The following DLGAP2 variants were observed in gnomAD, a reference collection of about 807,000 sequenced individuals.
The protein encoded by DLGAP2 is DLG associated protein 2, also known as disks large-associated protein 2.
Under a neutral mutation model 100.3 loss-of-function variants are expected in DLGAP2, and 26 were observed. The observed-to-expected ratio is 0.26, with a 90% confidence interval of 0.19 to 0.36. The LOEUF is 0.36. Among genes scored for constraint, DLGAP2 ranks in the 10% least tolerant of loss-of-function variants. DLGAP2 has a pLI of 1.00. For synonymous variants in DLGAP2, 886 were observed against 630.1 expected (o/e 1.41, Z -6.08); for missense variants, 1,858 against 1,453.2 (o/e 1.28, Z -4.53).
chr8:858,545 C>T (rs950599287), intron 1 of DLGAP2, among the ~76,000 whole-genome samples: 6 of 151,408 alleles, frequency 4.0e-5, no homozygotes, highest in African/African-American at 1.5e-4. Context: ...AATGCTGTCA[C>T]CGTGGGCACA....
intron 3 of DLGAP2, among the ~76,000 whole-genome samples, chr8:1,305,968 T>C (rs1385696119): frequency 1.3e-5 from 2 of 152,100 alleles, no homozygotes; most frequent in East Asian, 3.8e-4. Context: ...CTACTAATTT[T>C]TGCATGTAAT....
At position 1,196,093 on chromosome 8, in the gene DLGAP2, C is replaced by A. The variant is rs1195308178; in HGVS notation, c.74-62758C>A. ...CTGGAAAGCTGTGTCATAACTTAGG[C>A]ATCACCGATATCCAGGGCCCCGTCA... On this transcript the variant is annotated intron_variant, in intron 2 of 14. Transcript: ENST00000637795. Among the ~76,000 whole-genome samples the A allele has an allele frequency of 2.0e-5, 3 of 152,226 alleles. 1 individual carries two copies. Among genetic ancestry groups the A allele is most frequent in the Non-Finnish European group, 1.5e-5 (1 of 68,048 alleles).
chr8:1,363,624 G>A lies in DLGAP2; in HGVS notation c.106+104741G>A, dbSNP rs760534638. On this transcript the variant is annotated intron_variant, in intron 3 of 14. Coordinates refer to ENST00000637795, the MANE Select transcript of DLGAP2 (RefSeq NM_001346810.2). Reference sequence around the variant, plus strand: ...TCAGGCGACATTGGGATCTGGACCTGCAAATCTCCTCTGTCTTCTGGCCCT... The same window carrying A: ...TCAGGCGACATTGGGATCTGGACCTACAAATCTCCTCTGTCTTCTGGCCCT... Among the ~76,000 whole-genome samples the A allele has an allele frequency of 5.5e-4, 84 of 152,336 alleles. 1 individual carries two copies. The highest frequency in any genetic ancestry group is 3.4e-3 in the Middle Eastern group (1 of 294).
intron 6 of DLGAP2, among the ~76,000 whole-genome samples, chr8:1,623,764 A>G (rs1450459895): frequency 6.6e-6 from 1 of 152,274 alleles, no homozygotes. Context: ...GGCCTGGTTT[A>G]TAGGACTAAT....
intron 2 of DLGAP2, among the ~76,000 whole-genome samples, chr8:1,144,092 G>T (rs1168349542): frequency 6.6e-6 from 1 of 152,210 alleles, no homozygotes; most frequent in Non-Finnish European, 1.5e-5. Flanking sequence ...CCTGTGCTCA[G>T]AATGTGAGGA....
At chr8:1,674,596 T>C (rs62483124) in intron 10 of DLGAP2, among the ~76,000 whole-genome samples, 17,098 of 152,218 alleles carry the variant, frequency 0.11, 1,068 homozygotes, top group South Asian at 0.25. Flanking sequence ...TTACAAAATA[T>C]CTTTAAAAGT....
chr8:1,245,389 C>G (rs1426491613), intron 2 of DLGAP2, among the ~76,000 whole-genome samples: 1 of 152,182 alleles, frequency 6.6e-6, no homozygotes, highest in East Asian at 1.9e-4. Flanking sequence ...GTGGTCCATC[C>G]ATGCAATGGA....
intron 6 of DLGAP2, among the ~76,000 whole-genome samples, chr8:1,569,219 A>G (rs1257987908): frequency 6.6e-6 from 1 of 152,268 alleles, no homozygotes; most frequent in Admixed American, 6.5e-5. Flanking sequence ...CACTTAGCAG[A>G]GATGGTGCAA....
intron 3 of DLGAP2, among the ~76,000 whole-genome samples, chr8:1,367,163 G>A (rs1372100016): frequency 2.0e-5 from 3 of 152,202 alleles, no homozygotes; most frequent in African/African-American, 7.2e-5. Flanking sequence ...CATATTTTGA[G>A]AAACAGTTTA....
At chr8:1,212,714 C>G (rs564987697) in intron 2 of DLGAP2, among the ~76,000 whole-genome samples, 7 of 151,992 alleles carry the variant, frequency 4.6e-5, no homozygotes, top group African/African-American at 1.2e-4. Context: ...CTTCTTATAT[C>G]TTTATTTTTC....
At chr8:745,603 A>C (rs1038719585) in intron 1 of DLGAP2, among the ~76,000 whole-genome samples, 7 of 152,236 alleles carry the variant, frequency 4.6e-5, no homozygotes, top group Admixed American at 4.6e-4. Flanking sequence ...TAAGGAAATA[A>C]TCATGAATTT....
rs188260886 is a variant in DLGAP2, at chr8:1,327,327, G to A, written c.106+68444G>A. The stretch of plus-strand genomic sequence containing the variant: ...CAGAGCTCCACACCTGTGGCTCCAC[G>A]GGGACTGCAGTGGGTTTCATGTAAA... On this transcript the variant is annotated intron_variant, in intron 3 of 14. Transcript: ENST00000637795. Among the ~76,000 whole-genome samples, 23 of 152,334 alleles carry A rather than the reference G, an allele frequency of 1.5e-4. No individual in the cohort carries two copies. The East Asian group carries it at 3.5e-3, about 23-fold the overall frequency.
chr8:1,005,633 T>C (rs1437646246), intron 2 of DLGAP2, among the ~76,000 whole-genome samples: 1 of 151,378 alleles, frequency 6.6e-6, no homozygotes, highest in Non-Finnish European at 1.5e-5. Flanking sequence ...TTGCCTAGGC[T>C]GGTCTCAAAT....
chr8:1,317,623 A>G (rs1157866923), intron 3 of DLGAP2, among the ~76,000 whole-genome samples: 2 of 142,526 alleles, frequency 1.4e-5, no homozygotes, highest in African/African-American at 5.5e-5. Flanking sequence ...TCTCTCCAAC[A>G]GTGGTCTACA....
At chr8:1,121,090 A>G (rs1284056426) in intron 2 of DLGAP2, among the ~76,000 whole-genome samples, 1 of 144,334 alleles carries the variant, frequency 6.9e-6, no homozygotes, top group African/African-American at 2.6e-5. Context: ...ACCCCTGATC[A>G]CCCATCCTCA....
At chr8:1,182,982 C>T (rs116890857) in intron 2 of DLGAP2, among the ~76,000 whole-genome samples, 478 of 152,250 alleles carry the variant, frequency 3.1e-3, no homozygotes, top group Non-Finnish European at 4.5e-3. Flanking sequence ...GACATTCGAG[C>T]GAGCTGGGGC....
chr8:955,463 A>G (rs1215501638), intron 2 of DLGAP2, among the ~76,000 whole-genome samples: 1 of 151,832 alleles, frequency 6.6e-6, no homozygotes, highest in African/African-American at 2.4e-5. Flanking sequence ...TTGGAAGTAA[A>G]TTCTACCTTC....
chr8:1,095,517 C>T (rs891483758), intron 2 of DLGAP2, among the ~76,000 whole-genome samples: 9 of 152,182 alleles, frequency 5.9e-5, no homozygotes, highest in Admixed American at 2.0e-4. Context: ...GGTGACCTTT[C>T]TGAGCCCCCT....
At chr8:975,825 C>T (rs1800147823) in intron 2 of DLGAP2, among the ~76,000 whole-genome samples, 1 of 152,118 alleles carries the variant, frequency 6.6e-6, no homozygotes, top group Non-Finnish European at 1.5e-5. Flanking sequence ...AGAAGCAAAA[C>T]ACTCTTACCA....
Sources: allele counts gnomAD v4.1 joint callset (sites outside exome capture counted in the v4.1 genomes callset), GRCh38; gene constraint gnomAD v4.1.1; transcripts MANE v1.5; gene names NCBI Gene and HGNC (gene_info 2026-07-23, HGNC 2026-07-21).